SOX5: variants seen among roughly 807,000 people sequenced by gnomAD.
The protein encoded by SOX5 is SRY-box transcription factor 5.
SOX5 carries 9 observed loss-of-function variants against 92.0 expected under a neutral mutation model. That is an observed-to-expected ratio of 0.10 (90% CI 0.06 to 0.17). The LOEUF is 0.17. Ranked by LOEUF, SOX5 falls within the 10% of genes least tolerant of loss-of-function variation. The probability of loss-of-function intolerance (pLI) is 1.00; values close to 1 mark genes in which losing one functional copy is unlikely to be tolerated. For missense variants in SOX5, 642 were observed against 944.5 expected (o/e 0.68, Z 4.20); for synonymous variants, 344 against 336.3 (o/e 1.02, Z -0.25).
intron 4 of SOX5, among the ~76,000 whole-genome samples, chr12:24,172,396 G>A (rs1243612856): frequency 1.3e-5 from 2 of 151,998 alleles, no homozygotes; most frequent in East Asian, 1.9e-4. Flanking sequence ...AAAATAAGCC[G>A]GGCATGGTGG....
chr12:24,508,178 C>T (rs1948980640), intron 1 of SOX5, among the ~76,000 whole-genome samples: 1 of 152,136 alleles, frequency 6.6e-6, no homozygotes, highest in Non-Finnish European at 1.5e-5. Context: ...TAGATTTACA[C>T]ATGCGTCTAG....
Position 23,882,483 on chromosome 12 carries a change from A to G in SOX5, c.270+13310T>C, listed in dbSNP as rs150459233. On this transcript the variant is annotated intron_variant, in intron 2 of 14. Transcript: ENST00000451604. ...CAGGAAAATTAAGCAATTTTAAAAT[A>G]TATACCATTCCAAAATATTGTTTGG... is the stretch of plus-strand genomic sequence containing the variant. 5.3e-5 allele frequency among the ~76,000 whole-genome samples: 8 copies of G among 152,250 alleles called. No individual in the cohort carries two copies. The East Asian group carries it at 1.5e-3, about 29-fold the overall frequency.
intron 1 of SOX5, among the ~76,000 whole-genome samples, chr12:23,902,545 T>C (rs2097246679): frequency 6.6e-6 from 1 of 151,998 alleles, no homozygotes; most frequent in Non-Finnish European, 1.5e-5. Context: ...TCTCAAACTA[T>C]ATCATCAACT....
intron 8 of SOX5, among the ~76,000 whole-genome samples, chr12:23,606,755 T>A (rs1347293743): frequency 1.3e-5 from 2 of 152,090 alleles, no homozygotes; most frequent in African/African-American, 4.8e-5. Context: ...GAAATAAAAG[T>A]TATACATATA....
At chr12:23,545,957 T>C (rs952800454) in intron 12 of SOX5, among the ~76,000 whole-genome samples, 1 of 152,066 alleles carries the variant, frequency 6.6e-6, no homozygotes, top group East Asian at 1.9e-4. Context: ...GGAGGATCAC[T>C]TGAGCCTGGG....
intron 2 of SOX5, among the ~76,000 whole-genome samples, chr12:23,880,925 C>T (rs1013360082): frequency 8.5e-5 from 13 of 152,136 alleles, no homozygotes; most frequent in African/African-American, 2.4e-4. Context: ...TGAATAAAAT[C>T]GTTTTTTCTA....
rs957604253 is a variant in SOX5 at position 24,156,622 on chromosome 12, C to T, written c.-2+56721G>A. ...AGCATAATTCTAGCAGAACTTAATG[C>T]TTAAGAAACTATAATACAATTAATT... On this transcript the variant is annotated intron_variant, in intron 4 of 4. Transcript: ENST00000446891. Among the ~76,000 whole-genome samples the T allele has an allele frequency of 7.2e-5, 11 of 152,058 alleles. No individual in the cohort carries two copies. In the East Asian group the frequency reaches 1.3e-3, roughly 19 times the overall value.
intron 2 of SOX5, among the ~76,000 whole-genome samples, chr12:24,310,608 T>C (rs1333788219): frequency 6.6e-6 from 1 of 152,120 alleles, no homozygotes; most frequent in Non-Finnish European, 1.5e-5. Context: ...ACCTACAAAA[T>C]CTAACTTTGT....
intron 4 of SOX5, among the ~76,000 whole-genome samples, chr12:24,061,165 G>T (rs1164903868): frequency 6.6e-6 from 1 of 151,906 alleles, no homozygotes; most frequent in East Asian, 1.9e-4. Flanking sequence ...AAAAATTGGG[G>T]ATCTTTGGAT....
chr12:24,018,807 T>A (rs1018437386), intron 4 of SOX5, among the ~76,000 whole-genome samples: 2 of 151,762 alleles, frequency 1.3e-5, no homozygotes, highest in Non-Finnish European at 2.9e-5. Context: ...GGAAAAAAAA[T>A]AAATAAATAA....
At chr12:24,363,999 G>T (rs778058239) in intron 2 of SOX5, among the ~76,000 whole-genome samples, 8 of 152,108 alleles carry the variant, frequency 5.3e-5, no homozygotes, top group Non-Finnish European at 7.4e-5. Flanking sequence ...ACATGTTTTC[G>T]TCGGCAGGCA....
intron 4 of SOX5, among the ~76,000 whole-genome samples, chr12:24,158,014 G>C (rs1012754341): frequency 6.6e-6 from 1 of 151,926 alleles, no homozygotes; most frequent in African/African-American, 2.4e-5. Context: ...CCTTTAAAAG[G>C]AGAGTCTTGA....
rs546933771 is a variant in SOX5 at position 24,541,200 on chromosome 12, G to A, written c.-251+21129C>T. Among the ~76,000 whole-genome samples, 28 of 152,300 alleles carry A rather than the reference G, an allele frequency of 1.8e-4. No homozygotes were observed. The South Asian group carries it at 5.8e-3, about 32-fold the overall frequency. On this transcript the variant is annotated intron_variant, in intron 1 of 4. Transcript: ENST00000446891. ...CACATTATTGTATCATGCTGCACCA[G>A]AACACTAATGTATGCACAGTTCCAA...
At chr12:23,973,454 C>T (rs1256799129) in intron 4 of SOX5, among the ~76,000 whole-genome samples, 11 of 152,120 alleles carry the variant, frequency 7.2e-5, no homozygotes, top group Non-Finnish European at 2.9e-5. Context: ...CTGCGGTGCC[C>T]AGCCAGAATT....
intron 4 of SOX5, among the ~76,000 whole-genome samples, chr12:24,009,670 T>C (rs1297973161): frequency 6.6e-6 from 1 of 152,176 alleles, no homozygotes; most frequent in East Asian, 1.9e-4. Flanking sequence ...CATTCATTAT[T>C]TTATGAAAGC....
chr12:23,860,884 C>T (rs12371147), intron 2 of SOX5, among the ~76,000 whole-genome samples: 1 of 145,242 alleles, frequency 6.9e-6, no homozygotes, highest in Non-Finnish European at 1.5e-5. Context: ...TGACTTGGGT[C>T]TGCCCTGTAC....
chr12:23,756,991 T>C (rs2094405304), intron 3 of SOX5, among the ~76,000 whole-genome samples: 1 of 151,784 alleles, frequency 6.6e-6, no homozygotes, highest in Non-Finnish European at 1.5e-5. Context: ...TGTGGAGTTT[T>C]CAACAAAGCA....
chr12:23,804,913 TTTTATATA>T (rs1295185697), intron 3 of SOX5, among the ~76,000 whole-genome samples: 11 of 109,332 alleles, frequency 1.0e-4, no homozygotes, highest in African/African-American at 2.5e-4. Flanking sequence ...CCTATCATTG[TTTTATATA>T]TATATATATA....
intron 1 of SOX5, among the ~76,000 whole-genome samples, chr12:24,507,706 C>T (rs1381280327): frequency 1.3e-5 from 2 of 151,958 alleles, no homozygotes; most frequent in Non-Finnish European, 2.9e-5. Context: ...CGAAAATGTC[C>T]ATATTTTTGA....
Sources: gnomAD v4.1 joint callset for allele counts (sites outside exome capture counted in the v4.1 genomes callset) on GRCh38, gnomAD v4.1.1 for gene constraint, MANE v1.5 for transcripts, NCBI Gene and HGNC (gene_info 2026-07-23, HGNC 2026-07-21) for gene names.